Variants in NEDD4L observed in about 807,000 individuals in gnomAD.
NEDD4L encodes the protein E3 ubiquitin-protein ligase NEDD4-like.
NEDD4L carries 54 observed loss-of-function variants against 148.9 expected under a neutral mutation model. That is an observed-to-expected ratio of 0.36 (90% CI 0.29 to 0.45). NEDD4L has a LOEUF of 0.45. NEDD4L is among the 20% of genes least tolerant of loss of function. NEDD4L has a pLI of 1.00. For missense variants in NEDD4L, 856 were observed against 1,233.8 expected, an observed-to-expected ratio of 0.69 and a Z score of 4.59; for synonymous variants, 433 against 440.7, an observed-to-expected ratio of 0.98 and a Z score of 0.22.
rs528257792 is a variant in NEDD4L, at chr18:58,242,945, T to C, written c.123-2482T>C. Among the ~76,000 whole-genome samples the C allele has an allele frequency of 5.8e-4, 88 of 152,364 alleles. 1 individual carries two copies. Among genetic ancestry groups the C allele is most frequent in the Non-Finnish European group, 4.7e-4 (32 of 68,034 alleles). On this transcript the variant is annotated intron_variant, in intron 2 of 30. Transcript: ENST00000400345. ...ATAGAGTTGATCATACCTTAGTACCTACCTGGATGAGCACTCAAGATGTTA... is the reference window on the plus strand; with the variant it reads ...ATAGAGTTGATCATACCTTAGTACCCACCTGGATGAGCACTCAAGATGTTA...
chr18:58,325,259 T>C (rs2059209507), intron 9 of NEDD4L, 97 bp downstream of exon 9: 1 of 1,421,250 alleles, frequency 7.0e-7, no homozygotes, highest in African/African-American at 1.4e-5. Flanking sequence ...AAATAAATCA[T>C]ATGTCTATAA....
At chr18:58,058,114 T>C (rs1412229948) in intron 1 of NEDD4L, among the ~76,000 whole-genome samples, 1 of 152,190 alleles carries the variant, frequency 6.6e-6, no homozygotes, top group African/African-American at 2.4e-5. Context: ...GAGACCATCC[T>C]GGCCAATATG....
chr18:58,394,644 G>A (rs147126550), intron 30 of NEDD4L, among the ~76,000 whole-genome samples: 2 of 152,360 alleles, frequency 1.3e-5, no homozygotes, highest in African/African-American at 4.8e-5. Context: ...GAGAACCCCA[G>A]TTTGAGAAGC....
At chr18:58,198,498 C>T (rs922595313) in intron 2 of NEDD4L, among the ~76,000 whole-genome samples, 1 of 152,092 alleles carries the variant, frequency 6.6e-6, no homozygotes, top group African/African-American at 2.4e-5. Context: ...GCAAAAGGAT[C>T]CCTGGGCAGT....
intron 30 of NEDD4L, among the ~76,000 whole-genome samples, chr18:58,394,346 C>T (rs946237024): frequency 4.6e-5 from 7 of 152,252 alleles, no homozygotes; most frequent in African/African-American, 1.7e-4. Flanking sequence ...TCTTGACATC[C>T]CGTCTTTGCC....
intron 1 of NEDD4L, among the ~76,000 whole-genome samples, chr18:58,063,787 C>A (rs2082454139): frequency 1.3e-5 from 2 of 151,330 alleles, no homozygotes; most frequent in Non-Finnish European, 2.9e-5. Context: ...AACTCCTGAC[C>A]TTGTGATCCA....
intron 23 of NEDD4L, among the ~76,000 whole-genome samples, chr18:58,371,322 G>A (rs1199313239): frequency 6.6e-6 from 1 of 151,094 alleles, no homozygotes; most frequent in African/African-American, 2.4e-5. Flanking sequence ...CAAAGTGCTG[G>A]GATTACAGGT....
At chr18:58,060,455 T>C (rs1259522007) in intron 1 of NEDD4L, among the ~76,000 whole-genome samples, 1 of 151,808 alleles carries the variant, frequency 6.6e-6, no homozygotes, top group African/African-American at 2.4e-5. Context: ...TTTGGGGAGA[T>C]TGGATTTGAG....
intron 5 of NEDD4L, among the ~76,000 whole-genome samples, chr18:58,277,062 C>A (rs1568551010): frequency 6.6e-6 from 1 of 152,036 alleles, no homozygotes; most frequent in Non-Finnish European, 1.5e-5. Context: ...AGGCATACAA[C>A]CATGTCAGAA....
rs1251282352 is a variant in NEDD4L at position 58,399,245 on chromosome 18, G to A, written c.*2976G>A. ...CTGGCCCTGGAGCCGGCAGCAGTGAGGCATTCATTGTCTGTGTTGCGGTGT... is the reference window on the plus strand; with the variant it reads ...CTGGCCCTGGAGCCGGCAGCAGTGAAGCATTCATTGTCTGTGTTGCGGTGT... On this transcript the variant is annotated 3_prime_UTR_variant, in exon 31 of 31. Coordinates refer to ENST00000400345, the MANE Select transcript of NEDD4L (RefSeq NM_001144967.3). 1 of 152,200 alleles carries A rather than the reference G, an allele frequency of 6.6e-6. No homozygotes were observed. The highest frequency in any genetic ancestry group is 1.5e-5 in the Non-Finnish European group (1 of 68,034). The allele number at this position is 152,200 out of a possible 1,614,324, so 9.4% of individuals were successfully genotyped here. A position where few individuals can be genotyped will look rare whatever the true frequency, so the allele number is the denominator to read the frequency against.
intron 3 of NEDD4L, among the ~76,000 whole-genome samples, 174 bp downstream of exon 3, chr18:58,245,682 T>C (rs1046522651): frequency 1.5e-5 from 2 of 136,328 alleles, no homozygotes; most frequent in African/African-American, 2.8e-5. Context: ...CTCTTTTTTT[T>C]TTTTTTTTTT....
intron 5 of NEDD4L, chr18:58,255,483 G>C: frequency 8.1e-7 from 1 of 1,229,388 alleles, no homozygotes; most frequent in Non-Finnish European, 1.0e-6. Context: ...CTTGCCACTT[G>C]GGTTATTTCT....
rs2059731952 is a variant in NEDD4L at position 58,330,856 on chromosome 18, T to C, written c.932T>C (p.Leu311Pro). ...RTSPQELSEELSRRLQITPDS... is the reference protein window; with the variant it reads ...RTSPQELSEEPSRRLQITPDS... ...AGCCCTCAGGAGCTGTCAGAGGAACTAAGCAGAAGGCTTCAGATCACTCCA... is the reference window on the plus strand; with the variant it reads ...AGCCCTCAGGAGCTGTCAGAGGAACCAAGCAGAAGGCTTCAGATCACTCCA... Residue 311 changes from leucine to proline, a missense_variant, in exon 11 of 31, where the codon CTA (leucine) becomes CCA (proline). By Grantham distance (98) the Leu-to-Pro change is moderately conservative. Transcript: ENST00000400345. 1 of 1,613,860 alleles carries C rather than the reference T, an allele frequency of 6.2e-7. No homozygotes were observed. Among genetic ancestry groups the C allele is most frequent in the African/African-American group, 1.3e-5 (1 of 74,922 alleles).
intron 2 of NEDD4L, among the ~76,000 whole-genome samples, chr18:58,230,160 T>C (rs906192960): frequency 3.9e-5 from 6 of 152,200 alleles, no homozygotes; most frequent in African/African-American, 1.4e-4. Flanking sequence ...AACTCCCCTT[T>C]CAGTTTATAA....
intron 13 of NEDD4L, chr18:58,335,761 A>G (rs1182599319): frequency 4.4e-6 from 2 of 450,772 alleles, no homozygotes; most frequent in African/African-American, 2.0e-5. Context: ...TAGGAATACT[A>G]TCAGGCTTTG....
At chr18:58,304,972 G>C (rs1464639099) in intron 5 of NEDD4L, among the ~76,000 whole-genome samples, 1 of 152,148 alleles carries the variant, frequency 6.6e-6, no homozygotes, top group Non-Finnish European at 1.5e-5. Context: ...CCTGTGCTTT[G>C]TGCACCTGTG....
At chr18:58,320,901 T>TTA (rs2058715426) in intron 6 of NEDD4L, among the ~76,000 whole-genome samples, 1 of 152,252 alleles carries the variant, frequency 6.6e-6, no homozygotes, top group African/African-American at 2.4e-5. Flanking sequence ...ATTTATTTCC[T>TTA]TATATATATT....
At chr18:58,355,061 A>G (rs2044416988) in intron 18 of NEDD4L, among the ~76,000 whole-genome samples, 1 of 152,204 alleles carries the variant, frequency 6.6e-6, no homozygotes, top group South Asian at 2.1e-4. Context: ...GGCTCAAGCC[A>G]CAGGCAGTGG....
intron 2 of NEDD4L, among the ~76,000 whole-genome samples, chr18:58,226,664 G>C (rs2044387281): frequency 6.6e-6 from 1 of 152,204 alleles, no homozygotes; most frequent in Non-Finnish European, 1.5e-5. Flanking sequence ...GGGACCTACT[G>C]TGGTCTTAAG....
Sources: allele counts gnomAD v4.1 joint callset (sites outside exome capture counted in the v4.1 genomes callset), GRCh38; gene constraint gnomAD v4.1.1; transcripts MANE v1.5; gene names NCBI Gene and HGNC (gene_info 2026-07-23, HGNC 2026-07-21).